Variants in CRYBG3 observed in about 807,000 individuals in gnomAD.
CRYBG3 encodes the protein crystallin beta-gamma domain containing 3, also known as very large A-kinase anchor protein.
CRYBG3 carries 127 observed loss-of-function variants against 244.2 expected under a neutral mutation model. The observed-to-expected ratio is 0.52, with a 90% CI of 0.45 to 0.60. The LOEUF is 0.60. CRYBG3 is among the 20% of genes least tolerant of loss of function. The probability of loss-of-function intolerance (pLI) is 0.00; values close to 1 mark genes in which losing one functional copy is unlikely to be tolerated. For synonymous variants in CRYBG3, 1,132 were observed against 1,195.8 expected, an observed-to-expected ratio of 0.95 and a Z score of 1.10; for missense variants, 3,325 against 3,442.5, an observed-to-expected ratio of 0.97 and a Z score of 0.85.
intron 12 of CRYBG3, among the ~76,000 whole-genome samples, chr3:97,896,703 A>C (rs1340973760): frequency 6.6e-6 from 1 of 152,182 alleles, no homozygotes; most frequent in Non-Finnish European, 1.5e-5. Context: ...CAGTGTCTGG[A>C]GACATTTTGG....
chr3:97,898,746 T>G (rs2039667780), intron 12 of CRYBG3, 137 bp from the exon 13 acceptor site: 14 of 569,364 alleles, frequency 2.5e-5, no homozygotes, highest in Middle Eastern at 4.7e-4. Context: ...TAAAATTGTT[T>G]CCAGGGCCAT....
Position 97,864,498 on chromosome 3 carries a change from G to C in CRYBG3, c.498G>C (p.Gly166=), listed in dbSNP as rs1208461739. ...LQNPSDHHED[G]IKREREIFSG... ...ATCCCAGTGACCATCATGAAGACGG[G>C]ATCAAAAGGGAGAGAGAGATTTTCA... Residue 166 remains glycine, a synonymous_variant, in exon 3 of 22, where the codon GGG becomes GGC. Transcript: ENST00000389622. The C allele has an allele frequency of 6.5e-7, 1 of 1,535,870 alleles. No individual in the cohort carries two copies. The highest frequency in any genetic ancestry group is 2.0e-5 in the Admixed American group (1 of 50,982).
intron 1 of CRYBG3, among the ~76,000 whole-genome samples, chr3:97,832,320 A>G (rs1216943360): frequency 6.6e-6 from 1 of 152,084 alleles, no homozygotes; most frequent in African/African-American, 2.4e-5. Flanking sequence ...TTCAAACCAT[A>G]TTAGAAGGCT....
At chr3:97,927,723 A>T (rs2040054776) in intron 17 of CRYBG3, among the ~76,000 whole-genome samples, 1 of 151,960 alleles carries the variant, frequency 6.6e-6, no homozygotes, top group Admixed American at 6.6e-5. Flanking sequence ...AAAACAAACA[A>T]CCCCATTAAA....
chr3:97,841,315 T>A (rs2038813937), intron 1 of CRYBG3, among the ~76,000 whole-genome samples: 1 of 150,530 alleles, frequency 6.6e-6, no homozygotes. Context: ...TATATGTGTA[T>A]ATACGCATAT....
intron 1 of CRYBG3, among the ~76,000 whole-genome samples, chr3:97,834,129 T>G (rs2038695713): frequency 6.6e-6 from 1 of 152,118 alleles, no homozygotes; most frequent in Non-Finnish European, 1.5e-5. Flanking sequence ...AATTTCAACA[T>G]GAACTTTGGA....
intron 12 of CRYBG3, among the ~76,000 whole-genome samples, chr3:97,898,017 G>A (rs745833769): frequency 1.3e-5 from 2 of 151,888 alleles, no homozygotes; most frequent in East Asian, 1.9e-4. Context: ...TCAGGAGATC[G>A]ATATCATCCT....
In CRYBG3 at chr3:97,875,461, G is replaced by C; in HGVS notation, c.4267G>C (p.Asp1423His). ...LSDSINLQESDTVLLAEDMSH... is the reference protein window; with the variant it reads ...LSDSINLQESHTVLLAEDMSH... ...TGATAGTATAAATTTGCAGGAATCA[G>C]ATACGGTTTTACTAGCTGAAGACAT... Residue 1423 changes from aspartate (D) to histidine (H), a missense_variant, in exon 4 of 22, where the codon GAT becomes CAT. Physicochemically the swap from Asp to His is moderately conservative, Grantham distance 81. Around this residue, in one of 4 missense-constraint regions of CRYBG3, gnomAD observed 635 missense variants for 771.7 expected, o/e 0.82. Transcript: ENST00000389622. The C allele has an allele frequency of 7.6e-7, 1 of 1,323,282 alleles. No individual in the cohort carries two copies. Among genetic ancestry groups the C allele is most frequent in the East Asian group, 2.9e-5 (1 of 34,610 alleles). 82.0% of individuals were successfully genotyped at this position (1,323,282 alleles called of 1,614,324 possible). A position where few individuals can be genotyped will look rare whatever the true frequency, so the allele number is the denominator to read the frequency against.
intron 7 of CRYBG3, among the ~76,000 whole-genome samples, chr3:97,883,337 G>GA (rs1041928470): frequency 1.3e-5 from 2 of 152,032 alleles, no homozygotes; most frequent in African/African-American, 2.4e-5. Flanking sequence ...GAAATTCCTT[G>GA]AAAAAATGAC....
intron 3 of CRYBG3, among the ~76,000 whole-genome samples, chr3:97,869,508 T>C (rs2039275841): frequency 6.6e-6 from 1 of 152,188 alleles, no homozygotes; most frequent in African/African-American, 2.4e-5. Context: ...CATAGTTGGC[T>C]CTGTGCACGA....
chr3:97,864,680 T>A (rs79206827), intron 3 of CRYBG3, 33 bp downstream of exon 3: 6 of 1,442,918 alleles, frequency 4.2e-6, no homozygotes, highest in East Asian at 2.5e-5. Flanking sequence ...CCAAAAAAAA[T>A]TGAGCTTTTT....
At position 97,875,939 on chromosome 3, in the gene CRYBG3, T is replaced by C; in HGVS notation, c.4745T>C (p.Val1582Ala). 1 of 1,232,070 alleles carries C rather than the reference T, an allele frequency of 8.1e-7. No individual in the cohort carries two copies. The highest frequency in any genetic ancestry group is 1.0e-6 in the Non-Finnish European group (1 of 987,934). 76.3% of individuals were successfully genotyped at this position (1,232,070 alleles called of 1,614,324 possible). The change falls in exon 4 of 22, where the codon GTC becomes GCC. Residue 1582 changes from valine to alanine, a missense_variant. Physicochemically the swap from Val to Ala is moderately conservative, Grantham distance 64. Around this residue, in one of 4 missense-constraint regions of CRYBG3, gnomAD observed 635 missense variants for 771.7 expected, o/e 0.82. Transcript: ENST00000389622. Reference protein sequence around the residue: ...RIHKMDAELNVTKTEPKANVF... With the variant: ...RIHKMDAELNATKTEPKANVF... ...CATAAAATGGATGCTGAATTGAATGTCACGAAAACTGAGCCAAAAGCTAAT... is the reference window on the plus strand; with the variant it reads ...CATAAAATGGATGCTGAATTGAATGCCACGAAAACTGAGCCAAAAGCTAAT...
At chr3:97,861,167 TTCA>T (rs1233724124) in intron 2 of CRYBG3, among the ~76,000 whole-genome samples, 1 of 152,164 alleles carries the variant, frequency 6.6e-6, no homozygotes, top group African/African-American at 2.4e-5. Context: ...TGCTCCAGTC[TTCA>T]TCAGCCATAT....
chr3:97,907,414 C>G (rs1011747301), intron 15 of CRYBG3, among the ~76,000 whole-genome samples: 1 of 151,796 alleles, frequency 6.6e-6, no homozygotes, highest in Non-Finnish European at 1.5e-5. Flanking sequence ...ATTATTGCCA[C>G]AATTTCAGAT....
chr3:97,840,731 A>C (rs919202150), intron 1 of CRYBG3: 7 of 152,152 alleles, frequency 4.6e-5, no homozygotes, highest in African/African-American at 1.4e-4. Flanking sequence ...GAATTTCAGC[A>C]ATCTTGAAGC....
chr3:97,921,476 A>G (rs994985587), intron 17 of CRYBG3, among the ~76,000 whole-genome samples: 11 of 152,128 alleles, frequency 7.2e-5, no homozygotes, highest in African/African-American at 2.4e-4. Context: ...GCCTAAAAAT[A>G]TATAGGCAGT....
chr3:97,924,355 A>C (rs1324731428), intron 17 of CRYBG3: 3 of 442,988 alleles, frequency 6.8e-6, no homozygotes, highest in Non-Finnish European at 1.3e-5. Flanking sequence ...TACCCTGATG[A>C]TACTGCAGTA....
intron 14 of CRYBG3, 79 bp downstream of exon 14, chr3:97,899,342 G>A: frequency 6.8e-7 from 1 of 1,469,122 alleles, no homozygotes; most frequent in Non-Finnish European, 9.2e-7. Context: ...CTTTTTAAAA[G>A]TGGAGTTGTT....
chr3:97,877,085 G>T lies in CRYBG3; in HGVS notation c.5891G>T (p.Arg1964Ile), dbSNP rs971920705. The T allele has an allele frequency of 6.2e-7, 1 of 1,611,554 alleles. No homozygotes were observed. The change falls in exon 4 of 22, where the codon AGA becomes ATA. Residue 1964 changes from arginine to isoleucine, a missense_variant. Coordinates refer to ENST00000389622, the MANE Select transcript of CRYBG3 (RefSeq NM_153605.4). ...GATACCACAGTAAGACTAGACAAAA[G>T]AATGTCTCTTACTGCAATATATGAC... is the stretch of plus-strand genomic sequence containing the variant. The part of the protein sequence containing the change: ...PGDTTVRLDK[R>I]MSLTAIYDKR...
Sources: allele counts gnomAD v4.1 joint callset (sites outside exome capture counted in the v4.1 genomes callset), GRCh38; gene constraint gnomAD v4.1.1; regional missense constraint gnomAD v4.1.1; transcripts MANE v1.5; gene names NCBI Gene and HGNC (gene_info 2026-07-23, HGNC 2026-07-21).